The following PLCB1 variants were observed in gnomAD, a reference collection of about 807,000 sequenced individuals.
PLCB1 encodes the protein 1-phosphatidylinositol 4,5-bisphosphate phosphodiesterase beta-1.
PLCB1 carries 46 observed loss-of-function variants against 161.8 expected under a neutral mutation model. The ratio of observed to expected loss-of-function variants is 0.28; its 90% CI spans 0.22 to 0.36. The LOEUF (loss-of-function observed/expected upper bound fraction) is 0.36, where lower values mean the gene tolerates loss of function less well. PLCB1 is among the 10% of genes least tolerant of loss of function. The pLI is 1.00. For synonymous variants in PLCB1, 517 were observed against 503.7 expected, an observed-to-expected ratio of 1.03 and a Z score of -0.35; for missense variants, 1,016 against 1,472.5, an observed-to-expected ratio of 0.69 and a Z score of 5.07.
chr20:8,624,705 G>A (rs1007455196), intron 3 of PLCB1, among the ~76,000 whole-genome samples: 1 of 152,148 alleles, frequency 6.6e-6, no homozygotes, highest in Non-Finnish European at 1.5e-5. Flanking sequence ...GCTTTAACAA[G>A]AGCAAAACTC....
intron 31 of PLCB1, among the ~76,000 whole-genome samples, chr20:8,871,619 G>A (rs78549020): frequency 0.013 from 1,977 of 152,116 alleles, 50 homozygotes; most frequent in African/African-American, 0.046. Flanking sequence ...CACCAAACAG[G>A]GCCTTGCATG....
chr20:8,861,957 A>G (rs779284434), intron 31 of PLCB1, among the ~76,000 whole-genome samples: 1 of 152,188 alleles, frequency 6.6e-6, no homozygotes, highest in Non-Finnish European at 1.5e-5. Context: ...ATACATTGGG[A>G]CAACTGGATA....
intron 2 of PLCB1, among the ~76,000 whole-genome samples, chr20:8,326,312 T>G (rs887225109): frequency 6.6e-6 from 1 of 152,208 alleles, no homozygotes; most frequent in African/African-American, 2.4e-5. Flanking sequence ...CTGTTGTTAC[T>G]CATTTCTTTA....
intron 2 of PLCB1, among the ~76,000 whole-genome samples, chr20:8,170,702 C>T (rs1048345675): frequency 3.3e-5 from 5 of 151,866 alleles, no homozygotes; most frequent in Non-Finnish European, 5.9e-5. Flanking sequence ...ACATAAAAAC[C>T]GTGAATAGAA....
chr20:8,368,072 G>C (rs1028015766), intron 2 of PLCB1, among the ~76,000 whole-genome samples: 22 of 152,256 alleles, frequency 1.4e-4, no homozygotes, highest in Admixed American at 7.2e-4. Context: ...AATGAATCCT[G>C]GAAGTGGAAT....
chr20:8,846,870 A>T (rs1986707434), intron 31 of PLCB1, among the ~76,000 whole-genome samples: 1 of 152,196 alleles, frequency 6.6e-6, no homozygotes, highest in African/African-American at 2.4e-5. Flanking sequence ...TCGAGAGCCC[A>T]TGATTTATCC....
intron 2 of PLCB1, among the ~76,000 whole-genome samples, chr20:8,341,487 C>T (rs1985807134): frequency 6.6e-6 from 1 of 152,164 alleles, no homozygotes; most frequent in Non-Finnish European, 1.5e-5. Flanking sequence ...CTTCTCCTAA[C>T]TTCTGGGACA....
chr20:8,501,584 A>T (rs1163582494), intron 3 of PLCB1, among the ~76,000 whole-genome samples: 1 of 152,158 alleles, frequency 6.6e-6, no homozygotes, highest in Non-Finnish European at 1.5e-5. Flanking sequence ...AATGCTGAAC[A>T]GCATCCCTGG....
chr20:8,728,857 G>A (rs1980080714), intron 17 of PLCB1, among the ~76,000 whole-genome samples, 193 bp from the exon 18 acceptor site: 1 of 152,014 alleles, frequency 6.6e-6, no homozygotes, highest in Non-Finnish European at 1.5e-5. Flanking sequence ...TATTATGCAT[G>A]AAGTGAAATA....
At chr20:8,312,864 T>G (rs1398712762) in intron 2 of PLCB1, among the ~76,000 whole-genome samples, 4 of 152,016 alleles carry the variant, frequency 2.6e-5, no homozygotes, top group Admixed American at 2.0e-4. Flanking sequence ...AAATCATTGG[T>G]CAGCTCTCCT....
At chr20:8,701,999 CAG>C (rs1978391441) in intron 11 of PLCB1, among the ~76,000 whole-genome samples, 1 of 152,162 alleles carries the variant, frequency 6.6e-6, no homozygotes, top group Non-Finnish European at 1.5e-5. Flanking sequence ...AAACTGATTG[CAG>C]AGTTCATTTT....
intron 2 of PLCB1, among the ~76,000 whole-genome samples, chr20:8,258,437 C>T (rs998991307): frequency 6.6e-6 from 1 of 152,068 alleles, no homozygotes; most frequent in African/African-American, 2.4e-5. Flanking sequence ...TGGTCTCATT[C>T]GTGGGTTTAC....
intron 3 of PLCB1, among the ~76,000 whole-genome samples, chr20:8,575,504 C>T (rs573358917): frequency 3.9e-5 from 6 of 152,298 alleles, no homozygotes; most frequent in African/African-American, 7.2e-5. Context: ...GTGGACAGAA[C>T]GTTCCTTTTG....
intron 3 of PLCB1, among the ~76,000 whole-genome samples, chr20:8,533,857 T>C (rs1984932778): frequency 6.6e-6 from 1 of 152,198 alleles, no homozygotes; most frequent in Non-Finnish European, 1.5e-5. Context: ...GTGCAGAAGC[T>C]CTTTAGTTTA....
intron 3 of PLCB1, among the ~76,000 whole-genome samples, chr20:8,387,704 C>G (rs541202191): frequency 2.0e-4 from 31 of 152,222 alleles, no homozygotes; most frequent in Admixed American, 2.0e-3. Context: ...CTGCAAAGCA[C>G]AATGAAGCAA....
intron 3 of PLCB1, among the ~76,000 whole-genome samples, chr20:8,501,864 CAT>C (rs36226867): frequency 8.8e-4 from 92 of 104,484 alleles, no homozygotes; most frequent in Non-Finnish European, 1.1e-3. Flanking sequence ...AGATATATCG[CAT>C]ATATATATAT....
At chr20:8,733,416 T>C in intron 19 of PLCB1, 24 bp downstream of exon 19, 1 of 1,606,936 alleles carries the variant, frequency 6.2e-7, no homozygotes, top group Non-Finnish European at 8.5e-7. Flanking sequence ...ATCACAAAAT[T>C]GTTCCTAACA....
chr20:8,368,815 G>A (rs991109820), intron 2 of PLCB1, among the ~76,000 whole-genome samples: 1 of 151,984 alleles, frequency 6.6e-6, no homozygotes, highest in African/African-American at 2.4e-5. Context: ...CACAATTCCT[G>A]CTTCTGTGAG....
chr20:8,620,855 C>G (rs1342438546), intron 3 of PLCB1, among the ~76,000 whole-genome samples: 1 of 150,744 alleles, frequency 6.6e-6, no homozygotes, highest in African/African-American at 2.4e-5. Flanking sequence ...ATTTTCTTAA[C>G]AAAGGGAACA....
Sources: allele counts gnomAD v4.1 joint callset (sites outside exome capture counted in the v4.1 genomes callset), GRCh38; gene constraint gnomAD v4.1.1; transcripts MANE v1.5; gene names NCBI Gene and HGNC (gene_info 2026-07-23, HGNC 2026-07-21).